Variants in PINX1 observed in about 807,000 individuals in gnomAD.
The protein encoded by PINX1 is PIN2/TERF1-interacting telomerase inhibitor 1.
In PINX1, 34 loss-of-function variants were observed where a neutral mutation model predicts 25.4. The ratio of observed to expected loss-of-function variants is 1.34; its 90% CI spans 1.02 to 1.78. The LOEUF (loss-of-function observed/expected upper bound fraction) is 1.78, where lower values mean the gene tolerates loss of function less well. PINX1 is among the 40% of genes most tolerant of loss of function. The pLI, the probability that PINX1 is intolerant of heterozygous loss-of-function variation, is 0.00. For missense variants in PINX1, 592 were observed against 404.9 expected (o/e 1.46, Z -3.97); for synonymous variants, 197 against 147.7 (o/e 1.33, Z -2.42).
chr8:10,830,131 A>G (rs1184580292), intron 4 of PINX1, among the ~76,000 whole-genome samples: 1 of 152,192 alleles, frequency 6.6e-6, no homozygotes, highest in Non-Finnish European at 1.5e-5. Context: ...TTCAGAAAAC[A>G]TTTTCCTTAT....
intron 6 of PINX1, among the ~76,000 whole-genome samples, chr8:10,789,281 T>G (rs1336854790): frequency 1.3e-5 from 2 of 152,212 alleles, no homozygotes; most frequent in Non-Finnish European, 2.9e-5. Context: ...ATCCTTTTTT[T>G]CCAGATGTAA....
rs868415298 is a variant in PINX1 at position 10,803,386 on chromosome 8, G to A, written c.471+16807C>T. Among the ~76,000 whole-genome samples, 9 of 152,278 alleles carry A rather than the reference G, an allele frequency of 5.9e-5. No individual in the cohort carries two copies. The South Asian group carries it at 1.7e-3, about 28-fold the overall frequency. On this transcript the variant is annotated intron_variant, in intron 6 of 6. Transcript: ENST00000314787. ...TCAGTTTCCTCACCAGCTCATGGAC[G>A]TCTTTTTATGGTTCAAATCAGCTCT...
intron 6 of PINX1, among the ~76,000 whole-genome samples, chr8:10,798,288 G>C (rs1005912703): frequency 3.0e-4 from 46 of 152,228 alleles, no homozygotes; most frequent in African/African-American, 1.0e-3. Context: ...GAAATAATGA[G>C]AGCAGCACAG....
chr8:10,769,307 T>G (rs115837746), intron 6 of PINX1, among the ~76,000 whole-genome samples: 3 of 152,220 alleles, frequency 2.0e-5, no homozygotes, highest in Non-Finnish European at 4.4e-5. Flanking sequence ...AGGACTGGCC[T>G]AGTCTGTTCA....
intron 6 of PINX1, among the ~76,000 whole-genome samples, chr8:10,811,186 G>C (rs1586181552): frequency 6.6e-6 from 1 of 152,108 alleles, no homozygotes; most frequent in Non-Finnish European, 1.5e-5. Flanking sequence ...GAAGAAGCTG[G>C]GGCTCAGAGA....
chr8:10,810,768 C>T (rs1797489232), intron 6 of PINX1, among the ~76,000 whole-genome samples: 1 of 152,162 alleles, frequency 6.6e-6, no homozygotes, highest in African/African-American at 2.4e-5. Context: ...AGGTCACTGC[C>T]TTAGTCATTA....
At chr8:10,787,482 T>C (rs1031302010) in intron 6 of PINX1, 7 of 182,872 alleles carry the variant, frequency 3.8e-5, no homozygotes, top group Non-Finnish European at 6.8e-5. Context: ...CGCTTCAGCC[T>C]CCCAAAGTGC....
At chr8:10,785,433 T>C (rs1222236159) in intron 6 of PINX1, among the ~76,000 whole-genome samples, 1 of 152,210 alleles carries the variant, frequency 6.6e-6, no homozygotes, top group Non-Finnish European at 1.5e-5. Flanking sequence ...GACTTAATTA[T>C]AAACAGTTTG....
chr8:10,837,837 G>A (rs968317040), intron 1 of PINX1, among the ~76,000 whole-genome samples: 3 of 152,222 alleles, frequency 2.0e-5, no homozygotes, highest in African/African-American at 4.8e-5. Context: ...TTGATCAGAA[G>A]GAGAGTATTG....
At chr8:10,806,540 G>C (rs186201769) in intron 6 of PINX1, among the ~76,000 whole-genome samples, 145 of 152,252 alleles carry the variant, frequency 9.5e-4, no homozygotes, top group Non-Finnish European at 4.9e-4. Flanking sequence ...GATGAGAAAA[G>C]GGTTTGTTAC....
intron 5 of PINX1, among the ~76,000 whole-genome samples, chr8:10,823,272 G>A (rs1489057793): frequency 7.4e-6 from 1 of 134,948 alleles, no homozygotes; most frequent in Non-Finnish European, 1.6e-5. Flanking sequence ...TGTTTCAGTA[G>A]CATATAAAAT....
At chr8:10,770,362 T>C (rs919539371) in intron 6 of PINX1, among the ~76,000 whole-genome samples, 2 of 152,092 alleles carry the variant, frequency 1.3e-5, no homozygotes, top group Non-Finnish European at 2.9e-5. Context: ...AAACAAAGAG[T>C]GGGCACAAAG....
chr8:10,818,862 G>A (rs944654093), intron 6 of PINX1, among the ~76,000 whole-genome samples: 1 of 152,170 alleles, frequency 6.6e-6, no homozygotes, highest in Non-Finnish European at 1.5e-5. Flanking sequence ...AGGAAGAGGG[G>A]TTGGAGAGGA....
chr8:10,775,739 A>G (rs1477483851), intron 6 of PINX1, among the ~76,000 whole-genome samples: 2 of 152,230 alleles, frequency 1.3e-5, no homozygotes, highest in African/African-American at 4.8e-5. Context: ...TGGAAGCACA[A>G]CTGACAGAAC....
chr8:10,776,652 C>T (rs570065494), intron 6 of PINX1, among the ~76,000 whole-genome samples: 15 of 152,220 alleles, frequency 9.9e-5, no homozygotes, highest in South Asian at 2.1e-4. Context: ...AGGCTCACAA[C>T]GGCTGATGAT....
chr8:10,800,763 C>T (rs765249094), intron 6 of PINX1, among the ~76,000 whole-genome samples: 22 of 152,214 alleles, frequency 1.4e-4, no homozygotes, highest in Non-Finnish European at 2.5e-4. Flanking sequence ...AGTCACTACG[C>T]CCGGCCAAGA....
intron 6 of PINX1, among the ~76,000 whole-genome samples, chr8:10,806,387 G>A (rs1802452841): frequency 6.6e-6 from 1 of 151,386 alleles, no homozygotes; most frequent in Non-Finnish European, 1.5e-5. Context: ...TAAATCTGAG[G>A]AGCAAACAGA....
At chr8:10,823,338 A>G (rs776790932) in intron 5 of PINX1, among the ~76,000 whole-genome samples, 14 of 152,194 alleles carry the variant, frequency 9.2e-5, no homozygotes, top group Admixed American at 4.6e-4. Flanking sequence ...ATAAAGCTGC[A>G]CAATTACAGT....
chr8:10,819,745 G>T (rs1262265492), intron 6 of PINX1, among the ~76,000 whole-genome samples: 1 of 152,180 alleles, frequency 6.6e-6, no homozygotes, highest in Non-Finnish European at 1.5e-5. Flanking sequence ...ATCTAGCGCT[G>T]TCTCAAATGC....
Sources: gnomAD v4.1 joint callset for allele counts (sites outside exome capture counted in the v4.1 genomes callset) on GRCh38, gnomAD v4.1.1 for gene constraint, MANE v1.5 for transcripts, NCBI Gene and HGNC (gene_info 2026-07-23, HGNC 2026-07-21) for gene names.